MYRIP: variants seen among roughly 807,000 people sequenced by gnomAD.
MYRIP encodes rab effector MyRIP.
A neutral mutation model predicts 98.0 loss-of-function variants in MYRIP; 49 were observed. The observed-to-expected ratio is 0.50, with a 90% CI of 0.40 to 0.63. MYRIP has a LOEUF of 0.63. Among genes scored for constraint, MYRIP ranks in the 30% least tolerant of loss-of-function variants. The pLI, the probability that MYRIP is intolerant of heterozygous loss-of-function variation, is 0.00. For synonymous variants in MYRIP, 404 were observed against 409.5 expected (o/e 0.99, Z 0.16); for missense variants, 1,004 against 1,058.2 (o/e 0.95, Z 0.71).
At chr3:39,975,230 A>G (rs1462907263) in intron 2 of MYRIP, among the ~76,000 whole-genome samples, 1 of 152,164 alleles carries the variant, frequency 6.6e-6, no homozygotes, top group African/African-American at 2.4e-5. Flanking sequence ...TGCAAAAATC[A>G]CAAGCATTCT....
At chr3:39,975,970 AT>A in intron 2 of MYRIP, among the ~76,000 whole-genome samples, 1 of 152,208 alleles carries the variant, frequency 6.6e-6, no homozygotes, top group Non-Finnish European at 1.5e-5. Context: ...AGACAATACC[AT>A]TCAGGACATA....
intron 4 of MYRIP, among the ~76,000 whole-genome samples, chr3:40,154,678 A>G (rs1453921177): frequency 6.6e-6 from 1 of 152,128 alleles, no homozygotes; most frequent in Non-Finnish European, 1.5e-5. Flanking sequence ...CACATGTATT[A>G]GCTATTTATC....
At chr3:39,898,279 T>A (rs557535109) in intron 1 of MYRIP, among the ~76,000 whole-genome samples, 25 of 152,236 alleles carry the variant, frequency 1.6e-4, no homozygotes, top group Admixed American at 5.9e-4. Context: ...TAAAATTTTT[T>A]AAAAAAATAG....
intron 2 of MYRIP, among the ~76,000 whole-genome samples, chr3:39,996,494 A>G (rs1482062775): frequency 6.6e-6 from 1 of 152,232 alleles, no homozygotes; most frequent in Non-Finnish European, 1.5e-5. Context: ...TGTCCTAAAT[A>G]TATATGCACC....
At chr3:39,994,879 C>A (rs1354730454) in intron 2 of MYRIP, among the ~76,000 whole-genome samples, 1 of 152,314 alleles carries the variant, frequency 6.6e-6, no homozygotes. Context: ...TTGCTGTTCA[C>A]CAATATCTGC....
intron 11 of MYRIP, among the ~76,000 whole-genome samples, chr3:40,218,612 T>TATATATATA (rs1553629190): frequency 4.4e-4 from 6 of 13,564 alleles, no homozygotes; most frequent in African/African-American, 6.3e-4. Flanking sequence ...TATATATATT[T>TATATATATA]TATATATATA....
chr3:40,203,246 T>G (rs2125650045), intron 10 of MYRIP, among the ~76,000 whole-genome samples: 1 of 152,254 alleles, frequency 6.6e-6, no homozygotes, highest in South Asian at 2.1e-4. Flanking sequence ...CATTTATTTC[T>G]ATCCTTGTGT....
At chr3:40,062,997 A>G (rs1948050533) in intron 3 of MYRIP, among the ~76,000 whole-genome samples, 1 of 152,234 alleles carries the variant, frequency 6.6e-6, no homozygotes, top group Admixed American at 6.5e-5. Flanking sequence ...AGATTAAAGA[A>G]TTTGAAGGAA....
chr3:39,964,299 A>C (rs922320056), intron 2 of MYRIP, among the ~76,000 whole-genome samples: 1 of 152,140 alleles, frequency 6.6e-6, no homozygotes, highest in African/African-American at 2.4e-5. Flanking sequence ...AATGGTATAC[A>C]TGATAATATA....
intron 2 of MYRIP, among the ~76,000 whole-genome samples, chr3:39,914,947 C>T (rs1227350844): frequency 2.6e-5 from 4 of 152,024 alleles, no homozygotes; most frequent in Admixed American, 6.5e-5. Context: ...TGCAGCATGA[C>T]ACTTAGATTT....
intron 2 of MYRIP, among the ~76,000 whole-genome samples, chr3:39,941,875 C>T (rs1349237086): frequency 6.6e-6 from 1 of 152,080 alleles, no homozygotes; most frequent in Non-Finnish European, 1.5e-5. Flanking sequence ...TACTAGCTTA[C>T]ATGTGAAAAA....
chr3:40,100,872 C>A (rs140637173), intron 3 of MYRIP, among the ~76,000 whole-genome samples: 120 of 152,252 alleles, frequency 7.9e-4, no homozygotes, highest in Non-Finnish European at 1.3e-3. Context: ...TCTTAGGGTC[C>A]TGAAGCTAAA....
At chr3:39,944,793 GTA>G (rs1377355877) in intron 2 of MYRIP, among the ~76,000 whole-genome samples, 1 of 151,976 alleles carries the variant, frequency 6.6e-6, no homozygotes, top group Non-Finnish European at 1.5e-5. Context: ...TAACACAACT[GTA>G]TATACAATCG....
At chr3:40,044,011 T>C (rs200712534) in intron 2 of MYRIP, 39 bp from the exon 3 acceptor site, 8 of 1,595,454 alleles carry the variant, frequency 5.0e-6, no homozygotes, top group Non-Finnish European at 6.9e-6. Flanking sequence ...GATGTTGTGT[T>C]TCTCTCCTCC....
chr3:40,014,718 G>C (rs1946824160), intron 2 of MYRIP, among the ~76,000 whole-genome samples: 1 of 152,176 alleles, frequency 6.6e-6, no homozygotes, highest in Admixed American at 6.5e-5. Context: ...TTTATAATGA[G>C]GCTCAAAGGC....
chr3:40,165,222 G>T (rs1950478025), intron 5 of MYRIP, among the ~76,000 whole-genome samples: 2 of 152,338 alleles, frequency 1.3e-5, no homozygotes, highest in South Asian at 4.1e-4. Context: ...GGGCTGGGTT[G>T]CCCCTACGTG....
At chr3:39,956,438 T>C (rs2125725197) in intron 2 of MYRIP, among the ~76,000 whole-genome samples, 1 of 152,174 alleles carries the variant, frequency 6.6e-6, no homozygotes, top group Admixed American at 6.5e-5. Context: ...AATGGGTACA[T>C]AACAAAATGA....
At chr3:39,836,897 C>T (rs1941644841) in intron 1 of MYRIP, among the ~76,000 whole-genome samples, 1 of 152,094 alleles carries the variant, frequency 6.6e-6, no homozygotes, top group Non-Finnish European at 1.5e-5. Context: ...CCTGGTTGAC[C>T]TCCCCGCCAG....
chr3:40,075,894 C>A (rs1246398354), intron 3 of MYRIP, among the ~76,000 whole-genome samples: 1 of 152,098 alleles, frequency 6.6e-6, no homozygotes, highest in Non-Finnish European at 1.5e-5. Context: ...GAAAGCTAAT[C>A]TGTGATGACA....
Sources: gnomAD v4.1 joint callset for allele counts (sites outside exome capture counted in the v4.1 genomes callset) on GRCh38, gnomAD v4.1.1 for gene constraint, MANE v1.5 for transcripts, NCBI Gene and HGNC (gene_info 2026-07-23, HGNC 2026-07-21) for gene names.